The following TPX2 variants were observed in gnomAD, a reference collection of about 807,000 sequenced individuals.
TPX2 encodes targeting protein for Xklp2.
Under a neutral mutation model 93.6 loss-of-function variants are expected in TPX2, and 21 were observed. That is an observed-to-expected ratio of 0.22 (90% confidence interval 0.16 to 0.32). The LOEUF (loss-of-function observed/expected upper bound fraction) is 0.32, where lower values mean the gene tolerates loss of function less well. TPX2 is among the 10% of genes least tolerant of loss of function. The pLI is 1.00. For missense variants in TPX2, 776 were observed against 871.1 expected, an observed-to-expected ratio of 0.89 and a Z score of 1.37; for synonymous variants, 281 against 298.3, an observed-to-expected ratio of 0.94 and a Z score of 0.60.
chr20:31,753,291 C>G (rs897323858), intron 2 of TPX2, among the ~76,000 whole-genome samples: 2 of 152,222 alleles, frequency 1.3e-5, no homozygotes, highest in Non-Finnish European at 2.9e-5. Context: ...AGATCTGGCT[C>G]TGTTTTTACG....
At position 31,783,904 on chromosome 20, in the gene TPX2, A is replaced by G. The variant is rs1442561614; in HGVS notation, c.1396A>G (p.Ile466Val). 2 of 1,613,044 alleles carry G rather than the reference A, an allele frequency of 1.2e-6. No individual in the cohort carries two copies. The highest frequency in any genetic ancestry group is 1.3e-5 in the African/African-American group (1 of 74,858). ...EFHSRPCPTK[I>V]LEDVVGVPEK... ...TCATTCCAGACCTTGCCCTACTAAG[A>G]TTTTGGAAGATGTTGTGGTAAGGTT... Residue 466 changes from isoleucine to valine, a missense_variant, in exon 12 of 18, where the codon ATT becomes GTT. Ile to Val is a conservative substitution (Grantham distance 29). This residue lies in a region of TPX2 where 461 missense variants were observed against 551.2 expected (regional missense o/e 0.84). Transcript: ENST00000300403.
chr20:31,786,245 A>G (rs955355198), intron 12 of TPX2, among the ~76,000 whole-genome samples: 1 of 151,878 alleles, frequency 6.6e-6, no homozygotes, highest in Admixed American at 6.6e-5. Flanking sequence ...CTTAGGTGAT[A>G]TGATTCCAGG....
chr20:31,773,143 A>ATTTTTTTTT (rs769516478), intron 7 of TPX2, among the ~76,000 whole-genome samples: 7 of 102,356 alleles, frequency 6.8e-5, no homozygotes, highest in African/African-American at 2.8e-4. Context: ...CACCCGGCTA[A>ATTTTTTTTT]TTTTTTTTTT....
intron 2 of TPX2, among the ~76,000 whole-genome samples, chr20:31,756,815 A>C (rs1284400132): frequency 6.6e-6 from 1 of 151,854 alleles, no homozygotes; most frequent in Non-Finnish European, 1.5e-5. Flanking sequence ...TAAGTACAGA[A>C]GAGGTTTTGC....
At chr20:31,754,282 T>C (rs993166261) in intron 2 of TPX2, among the ~76,000 whole-genome samples, 4 of 151,970 alleles carry the variant, frequency 2.6e-5, no homozygotes, top group African/African-American at 4.8e-5. Flanking sequence ...AGTTTCACCA[T>C]GTTGGCCAGG....
chr20:31,773,965 G>A (rs991445626), intron 7 of TPX2, among the ~76,000 whole-genome samples: 2 of 151,612 alleles, frequency 1.3e-5, no homozygotes, highest in South Asian at 2.1e-4. Context: ...TCCGCTTCCC[G>A]TGTTCAAGTG....
At chr20:31,740,099 GA>G (rs1374810180) in intron 1 of TPX2, among the ~76,000 whole-genome samples, 1 of 152,086 alleles carries the variant, frequency 6.6e-6, no homozygotes, top group Admixed American at 6.6e-5. Context: ...TTATAGATTG[GA>G]GGGGGGAAGG....
rs200995599 is a variant in TPX2 at position 31,792,732 on chromosome 20, C to T, written c.1414-3C>T. 3.4e-5 allele frequency: 55 copies of T among 1,613,656 alleles called. No homozygotes were observed. Among genetic ancestry groups the T allele is most frequent in the Non-Finnish European group, 4.5e-5 (53 of 1,179,542 alleles). ...ATCTAATTGAGTTGCTTACTCCTTT[C>T]AGGGTGTTCCTGAAAAGAAGGTACT... On this transcript the variant is annotated splice_polypyrimidine_tract_variant and splice_region_variant and intron_variant, in intron 12 of 17. Coordinates refer to ENST00000300403, the MANE Select transcript of TPX2 (RefSeq NM_012112.5).
chr20:31,773,048 C>T (rs967420664), intron 7 of TPX2, among the ~76,000 whole-genome samples: 31 of 141,502 alleles, frequency 2.2e-4, no homozygotes, highest in African/African-American at 8.3e-4. Flanking sequence ...GCAATCTTGG[C>T]TCACTGCAAC....
At chr20:31,787,957 G>A (rs1051332585) in intron 12 of TPX2, among the ~76,000 whole-genome samples, 1 of 152,146 alleles carries the variant, frequency 6.6e-6, no homozygotes, top group Non-Finnish European at 1.5e-5. Flanking sequence ...AAATTGTGAG[G>A]GAGGTATGTA....
chr20:31,748,377 C>G (rs1283316956), intron 2 of TPX2, among the ~76,000 whole-genome samples: 2 of 151,976 alleles, frequency 1.3e-5, no homozygotes, highest in African/African-American at 4.8e-5. Flanking sequence ...CACTAACCAC[C>G]ATCTTATATA....
intron 12 of TPX2, among the ~76,000 whole-genome samples, chr20:31,791,985 A>G (rs1339045542): frequency 1.3e-5 from 2 of 152,258 alleles, no homozygotes; most frequent in African/African-American, 2.4e-5. Context: ...TTAGTTTTAA[A>G]TTATGTGCAC....
chr20:31,786,736 T>C (rs978544244), intron 12 of TPX2, among the ~76,000 whole-genome samples: 2 of 152,094 alleles, frequency 1.3e-5, no homozygotes, highest in African/African-American at 4.8e-5. Context: ...GATTAGGAAA[T>C]TGGTTTGTCA....
At chr20:31,782,793 G>T (rs550637638) in intron 11 of TPX2, among the ~76,000 whole-genome samples, 26 of 151,992 alleles carry the variant, frequency 1.7e-4, no homozygotes, top group African/African-American at 6.0e-4. Flanking sequence ...CTAGGGGGCA[G>T]CCTGAACCCA....
chr20:31,769,450 C>G (rs1034271337), intron 5 of TPX2, among the ~76,000 whole-genome samples: 5 of 151,596 alleles, frequency 3.3e-5, no homozygotes, highest in African/African-American at 1.2e-4. Flanking sequence ...TCTCAAGTAG[C>G]TGGGACTACA....
intron 2 of TPX2, among the ~76,000 whole-genome samples, chr20:31,749,241 C>G (rs943641520): frequency 1.1e-4 from 17 of 152,260 alleles, no homozygotes; most frequent in African/African-American, 4.1e-4. Flanking sequence ...CCACCGCGCC[C>G]AGCTTAAATG....
At chr20:31,773,567 G>A (rs2061977787) in intron 7 of TPX2, among the ~76,000 whole-genome samples, 1 of 152,130 alleles carries the variant, frequency 6.6e-6, no homozygotes, top group Admixed American at 6.5e-5. Context: ...GCTGGGTATA[G>A]GTGTGAGCCA....
chr20:31,741,525 C>T (rs971922142), intron 1 of TPX2, among the ~76,000 whole-genome samples: 3 of 151,166 alleles, frequency 2.0e-5, no homozygotes, highest in Non-Finnish European at 2.9e-5. Context: ...GTTACCTAGG[C>T]TGGAGTGCAA....
chr20:31,751,203 AAC>A (rs1316808051), intron 2 of TPX2, among the ~76,000 whole-genome samples: 1 of 152,102 alleles, frequency 6.6e-6, no homozygotes, highest in Non-Finnish European at 1.5e-5. Flanking sequence ...GTTAAATTTG[AAC>A]ACTTTCCAGG....
Sources: gnomAD v4.1 joint callset for allele counts (sites outside exome capture counted in the v4.1 genomes callset) on GRCh38, gnomAD v4.1.1 for gene constraint, gnomAD v4.1.1 regional missense constraint, MANE v1.5 for transcripts, NCBI Gene and HGNC (gene_info 2026-07-23, HGNC 2026-07-21) for gene names.